Variants in HS2ST1 observed in about 807,000 individuals in gnomAD.
HS2ST1 encodes the protein 2-O-sulfotransferase.
A neutral mutation model predicts 42.9 loss-of-function variants in HS2ST1; 18 were observed. That is an observed-to-expected ratio of 0.42 (90% CI 0.29 to 0.62). The LOEUF (loss-of-function observed/expected upper bound fraction) is 0.62. Ranked by LOEUF, HS2ST1 falls within the 20% of genes least tolerant of loss-of-function variation. HS2ST1 has a pLI of 0.21. For synonymous variants in HS2ST1, 146 were observed against 152.9 expected, an observed-to-expected ratio of 0.95 and a Z score of 0.33; for missense variants, 334 against 433.8, an observed-to-expected ratio of 0.77 and a Z score of 2.04.
At chr1:87,031,108 T>C (rs1650227584) in intron 1 of HS2ST1, among the ~76,000 whole-genome samples, 2 of 151,924 alleles carry the variant, frequency 1.3e-5, no homozygotes, top group Admixed American at 1.3e-4. Flanking sequence ...CCCAGCTAAT[T>C]TTTGTATTTT....
At chr1:87,064,426 GA>G in intron 1 of HS2ST1, 1 of 514,880 alleles carries the variant, frequency 1.9e-6, no homozygotes, top group Non-Finnish European at 3.9e-6. Context: ...GGGCAATAGT[GA>G]AACATAAGTC....
intron 1 of HS2ST1, among the ~76,000 whole-genome samples, chr1:86,937,992 C>T (rs1370587431): frequency 1.3e-5 from 2 of 152,102 alleles, no homozygotes; most frequent in Admixed American, 1.3e-4. Flanking sequence ...CATGTGTACT[C>T]AGACAATAAT....
At chr1:87,097,118 A>G (rs572760279) in intron 4 of HS2ST1, among the ~76,000 whole-genome samples, 1 of 152,344 alleles carries the variant, frequency 6.6e-6, no homozygotes, top group East Asian at 1.9e-4. Flanking sequence ...TCTTTTCAGT[A>G]GTCATTTACA....
intron 2 of HS2ST1, among the ~76,000 whole-genome samples, chr1:87,082,965 C>T (rs1220902522): frequency 2.6e-5 from 4 of 152,082 alleles, no homozygotes; most frequent in African/African-American, 7.2e-5. Context: ...TATTGAGAGG[C>T]CAAGTAAGGC....
intron 1 of HS2ST1, among the ~76,000 whole-genome samples, chr1:87,003,533 G>A (rs566100089): frequency 2.0e-5 from 3 of 152,206 alleles, no homozygotes; most frequent in South Asian, 2.1e-4. Flanking sequence ...AACAAAAAGC[G>A]TCAATTTTTG....
At chr1:86,992,967 A>T in intron 1 of HS2ST1, 1 of 1,144,088 alleles carries the variant, frequency 8.7e-7, no homozygotes. Flanking sequence ...CTGTTTGTTC[A>T]CATTCTTCTT....
At chr1:86,964,426 A>G (rs530484372) in intron 1 of HS2ST1, among the ~76,000 whole-genome samples, 1 of 152,362 alleles carries the variant, frequency 6.6e-6, no homozygotes, top group South Asian at 2.1e-4. Flanking sequence ...ACTCACGGTT[A>G]GGAGCTGGAG....
chr1:86,930,064 A>G lies in HS2ST1; in HGVS notation c.124+14904A>G, dbSNP rs542677412. On this transcript the variant is annotated intron_variant, in intron 1 of 6. Transcript: ENST00000370550. ...TTTTGGTAGACTGAAATGGTGGACT[A>G]TGAGAGGTAAACTGTGTTGTGATCA... Among the ~76,000 whole-genome samples the G allele has an allele frequency of 2.0e-5, 3 of 151,834 alleles. No individual in the cohort carries two copies. In the South Asian group the frequency reaches 6.2e-4, roughly 31 times the overall value.
In HS2ST1 at chr1:87,109,350, A is replaced by G. The variant is rs1034480696; in HGVS notation, c.*4654A>G. ...ATTTTATGGCTTGTGACAATATTTTATCTGGACTGACATGCCTCTGCTGCT... is the reference window on the plus strand; with the variant it reads ...ATTTTATGGCTTGTGACAATATTTTGTCTGGACTGACATGCCTCTGCTGCT... On this transcript the variant is annotated 3_prime_UTR_variant, in exon 7 of 7. Coordinates refer to ENST00000370550, the MANE Select transcript of HS2ST1 (RefSeq NM_012262.4). 1.3e-5 allele frequency: 2 copies of G among 152,060 alleles called. No individual in the cohort carries two copies. Among genetic ancestry groups the G allele is most frequent in the Non-Finnish European group, 2.9e-5 (2 of 67,960 alleles). 9.4% of individuals were successfully genotyped at this position (152,060 alleles called of 1,614,324 possible). A position where few individuals can be genotyped will look rare whatever the true frequency, so the allele number is the denominator to read the frequency against.
chr1:86,929,754 A>T (rs1322529033), intron 1 of HS2ST1, among the ~76,000 whole-genome samples: 1 of 151,844 alleles, frequency 6.6e-6, no homozygotes, highest in Non-Finnish European at 1.5e-5. Context: ...TCCATTTTAG[A>T]AAAAGTTTTG....
intron 1 of HS2ST1, among the ~76,000 whole-genome samples, chr1:87,001,314 AATATT>A (rs1649278256): frequency 1.3e-5 from 2 of 152,174 alleles, no homozygotes; most frequent in South Asian, 2.1e-4. Context: ...AAATTTTGTT[AATATT>A]ATAAGTTTCA....
intron 1 of HS2ST1, among the ~76,000 whole-genome samples, chr1:86,922,984 T>C (rs912442774): frequency 1.4e-4 from 21 of 152,162 alleles, no homozygotes; most frequent in African/African-American, 5.1e-4. Context: ...GAAATTGTTC[T>C]ACAGTTCAGT....
intron 3 of HS2ST1, among the ~76,000 whole-genome samples, chr1:87,087,242 T>G (rs1334503223): frequency 6.6e-6 from 1 of 152,180 alleles, no homozygotes; most frequent in Non-Finnish European, 1.5e-5. Context: ...CAATAAACAT[T>G]TTCATTTATA....
chr1:86,923,666 G>A (rs1317018373), intron 1 of HS2ST1, among the ~76,000 whole-genome samples: 2 of 152,184 alleles, frequency 1.3e-5, no homozygotes, highest in African/African-American at 4.8e-5. Context: ...AAAGTGCTGG[G>A]ATTACAGGTG....
At chr1:86,964,655 G>A (rs1416589538) in intron 1 of HS2ST1, among the ~76,000 whole-genome samples, 1 of 152,204 alleles carries the variant, frequency 6.6e-6, no homozygotes, top group Admixed American at 6.5e-5. Context: ...TGGGGAGAGG[G>A]AGAGGGAGAG....
intron 1 of HS2ST1, among the ~76,000 whole-genome samples, chr1:87,006,117 G>GT (rs1165037948): frequency 6.6e-6 from 1 of 152,090 alleles, no homozygotes; most frequent in Non-Finnish European, 1.5e-5. Context: ...AAATACACTG[G>GT]TAAGTTTTGT....
intron 5 of HS2ST1, among the ~76,000 whole-genome samples, chr1:87,100,063 C>T (rs151120299): frequency 6.6e-6 from 1 of 152,296 alleles, no homozygotes; most frequent in East Asian, 1.9e-4. Flanking sequence ...GTAGTTTTTC[C>T]AGGCAAAGCG....
intron 1 of HS2ST1, among the ~76,000 whole-genome samples, chr1:86,991,260 G>A (rs1248186346): frequency 6.6e-6 from 1 of 152,120 alleles, no homozygotes; most frequent in Non-Finnish European, 1.5e-5. Context: ...GAGTTTAATT[G>A]AGCAAGGAAT....
At chr1:87,060,768 T>C (rs1005123793) in intron 1 of HS2ST1, among the ~76,000 whole-genome samples, 3 of 152,150 alleles carry the variant, frequency 2.0e-5, no homozygotes, top group Admixed American at 6.5e-5. Context: ...TGTAGAAAAG[T>C]ATAGCCATAG....
Sources: gnomAD v4.1 joint callset for allele counts (sites outside exome capture counted in the v4.1 genomes callset) on GRCh38, gnomAD v4.1.1 for gene constraint, MANE v1.5 for transcripts, NCBI Gene and HGNC (gene_info 2026-07-23, HGNC 2026-07-21) for gene names.